The following KMT2C variants were observed in gnomAD, a reference collection of about 807,000 sequenced individuals.
KMT2C encodes lysine methyltransferase 2C.
In KMT2C, 88 loss-of-function variants were observed where a neutral mutation model predicts 507.9. The observed-to-expected ratio is 0.17, with a 90% confidence interval of 0.15 to 0.21. KMT2C has a LOEUF of 0.21. Among genes scored for constraint, KMT2C ranks in the 10% least tolerant of loss-of-function variants. KMT2C has a pLI of 1.00. For synonymous variants in KMT2C, 2,049 were observed against 2,080.8 expected (o/e 0.98, Z 0.42); for missense variants, 4,954 against 5,957.8 (o/e 0.83, Z 5.55).
chr7:152,145,124 CT>C, intron 54 of KMT2C, 28 bp downstream of exon 54: 1 of 1,609,992 alleles, frequency 6.2e-7, no homozygotes, highest in Non-Finnish European at 8.5e-7. Flanking sequence ...AAACCCTGGG[CT>C]GTACTATGTG....
intron 38 of KMT2C, among the ~76,000 whole-genome samples, chr7:152,174,550 T>C (rs1466955529): frequency 6.6e-6 from 1 of 152,222 alleles, no homozygotes; most frequent in Non-Finnish European, 1.5e-5. Flanking sequence ...ATGGCTTCTT[T>C]AGTAAATATA....
rs771469325 is a variant in KMT2C at position 152,162,707 on chromosome 7, T to G, written c.10870A>C (p.Thr3624Pro). ...DDAESTKAPS[T>P]PHSDITAPPT... ...GGGGCAGTTATATCTGAATGGGGAG[T>G]TGATGGAGCCTTGGTGGATTCTGCA... Residue 3624 changes from threonine to proline, a missense_variant, in exon 43 of 59, where the codon ACT becomes CCT. Physicochemically the swap from Thr to Pro is conservative, Grantham distance 38. Coordinates refer to ENST00000262189, the MANE Select transcript of KMT2C (RefSeq NM_170606.3). The G allele has an allele frequency of 3.7e-6, 6 of 1,614,088 alleles. No homozygotes were observed. Among genetic ancestry groups the G allele is most frequent in the Non-Finnish European group, 5.1e-6 (6 of 1,180,002 alleles).
At chr7:152,169,846 A>C (rs953049187) in intron 40 of KMT2C, among the ~76,000 whole-genome samples, 1 of 152,160 alleles carries the variant, frequency 6.6e-6, no homozygotes, top group African/African-American at 2.4e-5. Context: ...CCTGTTCCCA[A>C]AAAAATAAAA....
chr7:152,363,520 A>G (rs2097212918), intron 1 of KMT2C, among the ~76,000 whole-genome samples: 1 of 152,192 alleles, frequency 6.6e-6, no homozygotes, highest in Non-Finnish European at 1.5e-5. Context: ...AGACAAATAT[A>G]AGAAACAACC....
At position 152,148,343 on chromosome 7, in the gene KMT2C, C is replaced by G. The variant is rs1207604595; in HGVS notation, c.13584G>C (p.Gln4528His). The G allele has an allele frequency of 6.2e-7, 1 of 1,614,264 alleles. No homozygotes were observed. The highest frequency in any genetic ancestry group is 1.7e-5 in the Admixed American group (1 of 60,032). Residue 4528 changes from glutamine to histidine, a missense_variant, in exon 52 of 59, where the codon CAG (glutamine) becomes CAC (histidine). This residue lies in a region of KMT2C where 221 missense variants were observed against 304.7 expected (regional missense o/e 0.73). Coordinates refer to ENST00000262189, the MANE Select transcript of KMT2C (RefSeq NM_170606.3). This position sits in a 1 kb window ranked among gnomAD's most constrained non-coding sequence, Gnocchi z 7.1. ...YFAVFRRVYVQRDEVRQIASI... is the reference protein window; with the variant it reads ...YFAVFRRVYVHRDEVRQIASI... ...TAGCAATCTGTCGCACCTCATCACG[C>G]TGAACATAGACCCTCCTGAAGACTG...
rs148013831 is a variant in KMT2C, at chr7:152,176,438, C to T, written c.9015G>A (p.Gly3005=). Residue 3005 remains glycine (G), a synonymous_variant, in exon 38 of 59, where the codon GGG becomes GGA. Coordinates refer to ENST00000262189, the MANE Select transcript of KMT2C (RefSeq NM_170606.3). ...PGQSTVNHSL[G]TGKPATQTGP... is the part of the protein sequence containing the mutation. ...CAGTTTGAGTTGCAGGTTTTCCTGT[C>T]CCCAGACTGTGGTTAACTGTTGATT... The T allele has an allele frequency of 1.2e-6, 2 of 1,614,016 alleles. No individual in the cohort carries two copies. The highest frequency in any genetic ancestry group is 2.7e-5 in the African/African-American group (2 of 74,896).
chr7:152,172,597 G>A (rs1315507790), intron 39 of KMT2C, among the ~76,000 whole-genome samples: 1 of 152,194 alleles, frequency 6.6e-6, no homozygotes, highest in African/African-American at 2.4e-5. Context: ...TCCAGAGGCT[G>A]ATGCAGGAGA....
At chr7:152,222,833 A>G in intron 20 of KMT2C, 151 bp from the exon 21 acceptor site, 1 of 592,430 alleles carries the variant, frequency 1.7e-6, no homozygotes, top group Non-Finnish European at 3.1e-6. Context: ...AACTATCTCT[A>G]TTAACAGAAA....
At chr7:152,330,774 A>AT (rs1204985074) in intron 2 of KMT2C, 35 bp from the exon 3 acceptor site, 2 of 1,598,992 alleles carry the variant, frequency 1.3e-6, no homozygotes, top group Non-Finnish European at 8.6e-7. Flanking sequence ...ACAAAGAGTC[A>AT]TTTTTGTGTT....
In KMT2C at chr7:152,138,979, A is replaced by G; in HGVS notation, c.14535-75T>C. 8.3e-7 allele frequency: 1 copy of G among 1,201,258 alleles called. No homozygotes were observed. 74.4% of individuals were successfully genotyped at this position (1,201,258 alleles called of 1,614,324 possible). A position where few individuals can be genotyped will look rare whatever the true frequency, so the allele number is the denominator to read the frequency against. Reference sequence around the variant, plus strand: ...CTTTAAAAACTTCCCATTTATTGATAAAGCAGTTTTTGCTAATTAAATTTC... The same window carrying G: ...CTTTAAAAACTTCCCATTTATTGATGAAGCAGTTTTTGCTAATTAAATTTC... On this transcript the variant is annotated intron_variant, in intron 57 of 58. Coordinates refer to ENST00000262189, the MANE Select transcript of KMT2C (RefSeq NM_170606.3). The surrounding 1 kb of genome is among the most constrained non-coding windows in gnomAD (Gnocchi z 4.2).
chr7:152,235,275 T>G (rs2095244588), intron 16 of KMT2C, among the ~76,000 whole-genome samples: 1 of 151,030 alleles, frequency 6.6e-6, no homozygotes, highest in Non-Finnish European at 1.5e-5. Context: ...CAACTGTACC[T>G]CAATAAGCCT....
At chr7:152,260,658 G>A (rs2095754287) in intron 9 of KMT2C, among the ~76,000 whole-genome samples, 1 of 152,184 alleles carries the variant, frequency 6.6e-6, no homozygotes, top group Non-Finnish European at 1.5e-5. Context: ...AGAAAAATTT[G>A]TAATATGAAA....
intron 44 of KMT2C, 108 bp downstream of exon 44, chr7:152,158,755 T>C: frequency 2.1e-6 from 2 of 951,902 alleles, no homozygotes; most frequent in Non-Finnish European, 1.7e-6. Context: ...CCTCAAGTGA[T>C]CCACCTGCCT....
chr7:152,145,019 C>T lies in KMT2C; in HGVS notation c.14174+134G>A, dbSNP rs552514384. On this transcript the variant is annotated intron_variant, in intron 54 of 58. Coordinates refer to ENST00000262189, the MANE Select transcript of KMT2C (RefSeq NM_170606.3). ...AAAGCTGCCTAGCAGAGACACACGG[C>T]GAGTTCTCTTATGTAGTTGGGCACA... 35 of 1,362,364 alleles carry T rather than the reference C, an allele frequency of 2.6e-5. No individual in the cohort carries two copies. The Admixed American group carries it at 4.9e-4, about 19-fold the overall frequency. The allele number at this position is 1,362,364 out of a possible 1,614,324, so 84.4% of individuals were successfully genotyped here.
intron 1 of KMT2C, among the ~76,000 whole-genome samples, chr7:152,360,345 A>G (rs1320580293): frequency 6.6e-6 from 1 of 151,010 alleles, no homozygotes; most frequent in East Asian, 2.0e-4. Flanking sequence ...GGACGTGTTG[A>G]TGCACATCTG....
At chr7:152,355,629 T>G (rs764360530) in intron 2 of KMT2C, among the ~76,000 whole-genome samples, 2 of 151,942 alleles carry the variant, frequency 1.3e-5, no homozygotes, top group Admixed American at 6.6e-5. Context: ...AAAGTTTCAC[T>G]CCTGAGAGTG....
intron 2 of KMT2C, among the ~76,000 whole-genome samples, chr7:152,355,465 A>C (rs2097144101): frequency 6.6e-6 from 1 of 152,180 alleles, no homozygotes; most frequent in African/African-American, 2.4e-5. Context: ...ATAGATAATA[A>C]GCCATTAAAC....
chr7:152,174,365 G>A (rs907364703), intron 38 of KMT2C, 123 bp from the exon 39 acceptor site: 1 of 567,538 alleles, frequency 1.8e-6, no homozygotes, highest in Non-Finnish European at 3.0e-6. Flanking sequence ...TTTCTGAGAT[G>A]GCAACCTTAT....
Position 152,367,977 on chromosome 7 carries a change from CAG to C in KMT2C, c.162-9304_162-9303del, listed in dbSNP as rs975286660. ...AGAGGAATGCCAACAGTTTAAAAAA[CAG>C]ATAATGAAAGAAATCCAAGAACATA... On this transcript the variant is annotated intron_variant, in intron 1 of 58. Coordinates refer to ENST00000262189, the MANE Select transcript of KMT2C (RefSeq NM_170606.3). The C allele has an allele frequency of 4.3e-5, 38 of 891,446 alleles. No individual in the cohort carries two copies. In the African/African-American group the frequency reaches 4.8e-4, roughly 11 times the overall value. The allele number at this position is 891,446 out of a possible 1,614,324, so 55.2% of individuals were successfully genotyped here. A position where few individuals can be genotyped will look rare whatever the true frequency, so the allele number is the denominator to read the frequency against.
Sources: allele counts gnomAD v4.1 joint callset (sites outside exome capture counted in the v4.1 genomes callset), GRCh38; gene constraint gnomAD v4.1.1; regional missense constraint gnomAD v4.1.1; non-coding constraint Gnocchi (gnomAD v3.1); transcripts MANE v1.5; gene names NCBI Gene and HGNC (gene_info 2026-07-23, HGNC 2026-07-21).